Variants in CDKL1 observed in about 807,000 individuals in gnomAD.
CDKL1 encodes cyclin dependent kinase like 1, also known as cyclin-dependent kinase-like 1.
In CDKL1, 41 loss-of-function variants were observed where a neutral mutation model predicts 42.0. The observed-to-expected ratio is 0.98, with a 90% CI of 0.76 to 1.27. The LOEUF is 1.27. Ranked by LOEUF, CDKL1 falls within the 50% of genes most tolerant of loss-of-function variation. The pLI, the probability that CDKL1 is intolerant of heterozygous loss-of-function variation, is 0.00. For synonymous variants in CDKL1, 153 were observed against 158.6 expected (o/e 0.96, Z 0.26); for missense variants, 394 against 428.4 (o/e 0.92, Z 0.71).
At chr14:50,351,031 C>T (rs572870824) in intron 3 of CDKL1, among the ~76,000 whole-genome samples, 1 of 152,144 alleles carries the variant, frequency 6.6e-6, no homozygotes, top group East Asian at 1.9e-4. Flanking sequence ...TTTGTTTCAC[C>T]CCCCAGGAAC....
intron 2 of CDKL1, chr14:50,377,778 T>C (rs1160217038): frequency 1.8e-6 from 2 of 1,132,384 alleles, no homozygotes; most frequent in Non-Finnish European, 2.3e-6. Flanking sequence ...ATGGGAAGTA[T>C]TGAATAAGCT....
At chr14:50,348,799 TAAAA>T (rs1172898868) in intron 3 of CDKL1, among the ~76,000 whole-genome samples, 1 of 151,810 alleles carries the variant, frequency 6.6e-6, no homozygotes, top group Non-Finnish European at 1.5e-5. Flanking sequence ...AAAAGCAACT[TAAAA>T]GAAACAGAAA....
chr14:50,335,227 T>G (rs2033192802), intron 7 of CDKL1, among the ~76,000 whole-genome samples: 1 of 144,854 alleles, frequency 6.9e-6, no homozygotes, highest in African/African-American at 2.6e-5. Context: ...GTTTGGGAGA[T>G]TGAGGCTGCA....
chr14:50,332,086 G>C, intron 9 of CDKL1, 176 bp downstream of exon 9: 2 of 1,570,264 alleles, frequency 1.3e-6, no homozygotes, highest in Non-Finnish European at 1.7e-6. Flanking sequence ...TTAGGATTCA[G>C]GGAGAGGGGG....
chr14:50,335,151 C>G (rs1195100813), intron 7 of CDKL1, among the ~76,000 whole-genome samples: 2 of 151,434 alleles, frequency 1.3e-5, no homozygotes, highest in African/African-American at 4.9e-5. Flanking sequence ...AAAAAACTAG[C>G]TGGGGGTGGT....
In CDKL1 at chr14:50,330,102, T is replaced by G. The variant is rs2032853342; in HGVS notation, c.1046A>C (p.Lys349Thr). The G allele has an allele frequency of 2.5e-6, 4 of 1,610,026 alleles. No homozygotes were observed. The highest frequency in any genetic ancestry group is 3.4e-6 in the Non-Finnish European group (4 of 1,179,174). ...DNKKYYCDTK[K>T]LNYRFPNI ...AATGTTTGGAAAACGGTAGTTAAGT[T>G]TCTTGGTATCACAGTAGTACTTCTT... The change falls in exon 10 of 10, where the codon AAA becomes ACA. Residue 349 changes from lysine to threonine, a missense_variant. Transcript: ENST00000395834.
chr14:50,357,984 A>G (rs775217298), intron 3 of CDKL1: 2 of 1,237,610 alleles, frequency 1.6e-6, no homozygotes, highest in Non-Finnish European at 2.2e-6. Context: ...GAAAACACCC[A>G]GCTGAGGAGT....
Position 50,359,025 on chromosome 14 carries a change from C to T in CDKL1, c.290+3G>A, listed in dbSNP as rs757409058. On this transcript the variant is annotated splice_donor_region_variant and intron_variant, in intron 3 of 9. Coordinates refer to ENST00000395834, the MANE Select transcript of CDKL1 (RefSeq NM_004196.7). ...TTTTGCTTGTAAGGGATGGATCACT[C>T]ACCCTCTTTGGTATCTGTCCAACTC... The T allele has an allele frequency of 6.2e-7, 1 of 1,609,882 alleles. No homozygotes were observed. Among genetic ancestry groups the T allele is most frequent in the South Asian group, 1.1e-5 (1 of 90,362 alleles).
upstream of CDKL1, chr14:50,397,168 G>A: frequency 1.5e-6 from 2 of 1,366,498 alleles, no homozygotes; most frequent in Non-Finnish European, 2.0e-6. Flanking sequence ...GCCTGCGCTA[G>A]GAGCCCCTCC....
chr14:50,336,194 T>C (rs1403070718), intron 7 of CDKL1: 12 of 1,355,644 alleles, frequency 8.9e-6, no homozygotes, highest in Middle Eastern at 2.1e-4. Context: ...GGCCTCCCTC[T>C]GTCAGGGTTA....
Position 50,345,028 on chromosome 14 carries a change from A to C in CDKL1, c.321T>G (p.Thr107=), listed in dbSNP as rs548644595. ...GVPEHLVKSI[T]WQTLQAVNFC... is the part of the protein sequence containing the mutation. ...AATTTACAGCTTGCAGTGTCTGCCA[A>C]GTTATGCTCTTCACGAGATGTTCTG... The change falls in exon 4 of 10, where the codon ACT becomes ACG. Residue 107 remains threonine (T), a synonymous_variant. Transcript: ENST00000395834. The C allele has an allele frequency of 1.2e-6, 2 of 1,613,844 alleles. No individual in the cohort carries two copies. The highest frequency in any genetic ancestry group is 2.2e-5 in the South Asian group (2 of 91,046).
intron 2 of CDKL1, among the ~76,000 whole-genome samples, chr14:50,360,372 C>G (rs540095122): frequency 4.1e-4 from 63 of 152,246 alleles, no homozygotes; most frequent in African/African-American, 1.4e-3. Context: ...TTCCTCCCCC[C>G]AGTCCCTGCC....
rs1360656136 is a variant in CDKL1, at chr14:50,341,223, C to G, written c.464G>C (p.Ser155Thr). ...FGFARLLTGP[S>T]DYYTDYVATR... Reference sequence around the variant, plus strand: ...AGCCACGTAGTCTGTATAGTAGTCACTCGGTCCAGCTAGCCAGTGATGGAA... The same window carrying G: ...AGCCACGTAGTCTGTATAGTAGTCAGTCGGTCCAGCTAGCCAGTGATGGAA... Residue 155 changes from serine (S) to threonine (T), a missense_variant, in exon 6 of 10, where the codon AGT (serine) becomes ACT (threonine). Ser to Thr is a moderately conservative substitution (Grantham distance 58, BLOSUM62 1). Coordinates refer to ENST00000395834, the MANE Select transcript of CDKL1 (RefSeq NM_004196.7). 2.5e-6 allele frequency: 4 copies of G among 1,597,666 alleles called. No individual in the cohort carries two copies. In the Admixed American group the frequency reaches 5.1e-5, roughly 20 times the overall value.
At chr14:50,341,689 G>A (rs2033547182) in intron 5 of CDKL1, among the ~76,000 whole-genome samples, 2 of 151,938 alleles carry the variant, frequency 1.3e-5, no homozygotes, top group East Asian at 3.9e-4. Context: ...GCTGAGGTGG[G>A]AGGATCACCT....
At chr14:50,385,705 G>A (rs2035059231) in intron 2 of CDKL1, among the ~76,000 whole-genome samples, 2 of 150,158 alleles carry the variant, frequency 1.3e-5, no homozygotes, top group Admixed American at 6.7e-5. Context: ...TCGGGAGGCT[G>A]AAGCACGAGA....
intron 8 of CDKL1, 156 bp from the exon 9 acceptor site, chr14:50,332,588 C>A: frequency 1.3e-6 from 2 of 1,483,622 alleles, no homozygotes; most frequent in South Asian, 2.5e-5. Context: ...TCCTTCCAGT[C>A]ATTCCTAAAT....
intron 4 of CDKL1, chr14:50,342,872 G>A (rs1595280420): frequency 1.6e-6 from 2 of 1,270,130 alleles, no homozygotes; most frequent in African/African-American, 1.6e-5. Flanking sequence ...CATTCATCCG[G>A]ACAAGATAAA....
At chr14:50,357,971 C>A in intron 3 of CDKL1, 1 of 1,089,450 alleles carries the variant, frequency 9.2e-7, no homozygotes. Context: ...CGTTGCCCTG[C>A]CTGAAAACAC....
intron 2 of CDKL1, among the ~76,000 whole-genome samples, chr14:50,385,455 A>G (rs1449035325): frequency 2.6e-5 from 4 of 152,232 alleles, no homozygotes; most frequent in African/African-American, 9.6e-5. Flanking sequence ...TTCATGAAAG[A>G]TGAAATAAGA....
Sources: gnomAD v4.1 joint callset for allele counts (sites outside exome capture counted in the v4.1 genomes callset) on GRCh38, gnomAD v4.1.1 for gene constraint, MANE v1.5 for transcripts, NCBI Gene and HGNC (gene_info 2026-07-23, HGNC 2026-07-21) for gene names.